The following NPIPB15 variants were observed in gnomAD, a reference collection of about 807,000 sequenced individuals.
The protein encoded by NPIPB15 is nuclear pore complex-interacting protein family member B15.
Under a neutral mutation model 35.9 loss-of-function variants are expected in NPIPB15, and 5 were observed. That is an observed-to-expected ratio of 0.14 (90% CI 0.07 to 0.29). The LOEUF (loss-of-function observed/expected upper bound fraction) is 0.29, where lower values mean the gene tolerates loss of function less well. Among genes scored for constraint, NPIPB15 ranks in the 10% least tolerant of loss-of-function variants. The pLI is 1.00. For missense variants in NPIPB15, 100 were observed against 506.1 expected, an observed-to-expected ratio of 0.20 and a Z score of 7.70; for synonymous variants, 43 against 182.0, an observed-to-expected ratio of 0.24 and a Z score of 6.15.
At chr16:74,382,937 C>T (rs1449210037) in intron 3 of NPIPB15, among the ~76,000 whole-genome samples, 1 of 130,858 alleles carries the variant, frequency 7.6e-6, no homozygotes, top group Non-Finnish European at 1.6e-5. Context: ...TCTTTTCTCA[C>T]CCCCGAAACG....
intron 2 of NPIPB15, among the ~76,000 whole-genome samples, chr16:74,378,664 G>A (rs111527526): frequency 2.7e-5 from 4 of 150,556 alleles, no homozygotes; most frequent in Non-Finnish European, 5.9e-5. Flanking sequence ...CGCCTGCCTC[G>A]GCCTCCCAGT....
At chr16:74,391,128 C>G (rs1185325074) in intron 7 of NPIPB15, 1 of 955,540 alleles carries the variant, frequency 1.0e-6, no homozygotes, top group Admixed American at 6.2e-5. Context: ...GGGGCAGGAC[C>G]CCAGCCTGCC....
At chr16:74,391,338 T>G (rs2012524927) in intron 7 of NPIPB15, 53 bp from the exon 8 acceptor site, 1 of 1,581,568 alleles carries the variant, frequency 6.3e-7, no homozygotes, top group Non-Finnish European at 8.5e-7. Context: ...GTGGCGGTAA[T>G]TTTGTCCATC....
chr16:74,380,536 G>T (rs1488445572), intron 2 of NPIPB15, among the ~76,000 whole-genome samples: 3 of 149,082 alleles, frequency 2.0e-5, no homozygotes, highest in Admixed American at 6.7e-5. Flanking sequence ...AACATTAGGA[G>T]ATTTTGGCCA....
chr16:74,391,798 C>T lies in NPIPB15; in HGVS notation c.1050C>T (p.Ala350=), dbSNP rs375210357. 1.7e-4 allele frequency: 269 copies of T among 1,612,414 alleles called. No individual in the cohort carries two copies. Among genetic ancestry groups the T allele is most frequent in the Middle Eastern group, 3.3e-4 (2 of 5,982 alleles). The change falls in exon 8 of 8, where the codon GCC becomes GCT. Residue 350 remains alanine, a synonymous_variant. Transcript: ENST00000692376. The part of the protein sequence containing the change: ...LKTPPLATQE[A]EAEKPPKPKR... ...CTCCTCCCTTAGCTACTCAGGAGGCCGAGGCGGAAAAACCACCCAAACCCA... is the reference window on the plus strand; with the variant it reads ...CTCCTCCCTTAGCTACTCAGGAGGCTGAGGCGGAAAAACCACCCAAACCCA...
chr16:74,378,991 G>C (rs1399482194), intron 2 of NPIPB15, among the ~76,000 whole-genome samples: 6 of 152,186 alleles, frequency 3.9e-5, no homozygotes, highest in African/African-American at 1.4e-4. Context: ...GTAGAGATAG[G>C]GTTTCTCCAT....
intron 3 of NPIPB15, among the ~76,000 whole-genome samples, chr16:74,382,714 CTT>C (rs2012058124): frequency 6.6e-6 from 1 of 152,244 alleles, no homozygotes; most frequent in South Asian, 2.1e-4. Flanking sequence ...TACCACAATG[CTT>C]TTTTATATTC....
chr16:74,378,142 G>T, intron 2 of NPIPB15, 103 bp downstream of exon 2: 1 of 1,432,166 alleles, frequency 7.0e-7, no homozygotes, highest in African/African-American at 1.4e-5. Context: ...ACTTTAGGGG[G>T]CCGAGGTGGG....
At chr16:74,388,012 G>A (rs75813228) in intron 5 of NPIPB15, among the ~76,000 whole-genome samples, 15,052 of 148,278 alleles carry the variant, frequency 0.1, 38 homozygotes, top group Middle Eastern at 0.15. Context: ...ATGGTTTGCC[G>A]TTGTCACCTA....
At chr16:74,389,330 T>C (rs1048010939) in intron 5 of NPIPB15, among the ~76,000 whole-genome samples, 1 of 151,086 alleles carries the variant, frequency 6.6e-6, no homozygotes, top group Non-Finnish European at 1.5e-5. Context: ...AGAGGAGGAA[T>C]CAATATAGCA....
chr16:74,384,821 A>G (rs1234583022), intron 3 of NPIPB15, among the ~76,000 whole-genome samples: 42 of 151,822 alleles, frequency 2.8e-4, no homozygotes, highest in Middle Eastern at 3.4e-3. Flanking sequence ...AGCTGGGATT[A>G]CAGGCATGCA....
At chr16:74,379,080 G>A (rs148236422) in intron 2 of NPIPB15, among the ~76,000 whole-genome samples, 62 of 132,780 alleles carry the variant, frequency 4.7e-4, no homozygotes, top group Middle Eastern at 4.2e-3. Flanking sequence ...GATTACAGGC[G>A]TGAACCACCG....
intron 2 of NPIPB15, among the ~76,000 whole-genome samples, chr16:74,379,926 T>C (rs1367610650): frequency 4.0e-5 from 6 of 151,236 alleles, no homozygotes; most frequent in African/African-American, 1.5e-4. Context: ...TTGATACTTA[T>C]TTGTGAATGA....
At chr16:74,389,370 T>TG (rs1285889726) in intron 5 of NPIPB15, among the ~76,000 whole-genome samples, 1 of 142,328 alleles carries the variant, frequency 7.0e-6, no homozygotes, top group Non-Finnish European at 1.5e-5. Context: ...ACAGTTTTTT[T>TG]GTTTTTGTTT....
chr16:74,378,543 C>T (rs1406600775), intron 2 of NPIPB15, among the ~76,000 whole-genome samples: 1 of 147,910 alleles, frequency 6.8e-6, no homozygotes, highest in African/African-American at 2.5e-5. Flanking sequence ...TGTCCTGCCT[C>T]AGCCTCCTGA....
In NPIPB15 at chr16:74,382,537, C is replaced by T. The variant is rs560485870; in HGVS notation, c.249+839C>T. 3.9e-5 allele frequency among the ~76,000 whole-genome samples: 6 copies of T among 152,370 alleles called. No homozygotes were observed. In the South Asian group the frequency reaches 1.0e-3, roughly 26 times the overall value. On this transcript the variant is annotated intron_variant, in intron 3 of 7. Coordinates refer to ENST00000692376, the MANE Select transcript of NPIPB15 (RefSeq NM_001306094.2). The stretch of plus-strand genomic sequence containing the variant: ...GAGATCAGTATGTCAAAAGTCTGTA[C>T]TTGGTAAGAATTTGGCTGCTAAGTT...
chr16:74,389,403 C>T (rs1218439836), intron 5 of NPIPB15, among the ~76,000 whole-genome samples: 2 of 150,166 alleles, frequency 1.3e-5, no homozygotes, highest in Non-Finnish European at 2.9e-5. Context: ...GATGGAGTCT[C>T]ACTGTGTCAC....
intron 2 of NPIPB15, among the ~76,000 whole-genome samples, chr16:74,379,022 A>G (rs2011836740): frequency 6.6e-6 from 1 of 151,812 alleles, no homozygotes; most frequent in African/African-American, 2.4e-5. Context: ...CTGGTTTTGA[A>G]CTCCCGACCT....
chr16:74,382,906 C>CTTTT (rs1207851456), intron 3 of NPIPB15, among the ~76,000 whole-genome samples: 18 of 115,912 alleles, frequency 1.6e-4, no homozygotes, highest in East Asian at 9.3e-4. Flanking sequence ...TTGGAGGAAG[C>CTTTT]TTTTTTTTTT....
Sources: allele counts gnomAD v4.1 joint callset (sites outside exome capture counted in the v4.1 genomes callset), GRCh38; gene constraint gnomAD v4.1.1; transcripts MANE v1.5; gene names NCBI Gene and HGNC (gene_info 2026-07-23, HGNC 2026-07-21).